TBPL1: variants seen among roughly 807,000 people sequenced by gnomAD.
The protein encoded by TBPL1 is TATA box-binding protein-like 1.
Under a neutral mutation model 22.1 loss-of-function variants are expected in TBPL1, and 4 were observed. The observed-to-expected ratio is 0.18, with a 90% CI of 0.09 to 0.41. The LOEUF (loss-of-function observed/expected upper bound fraction) is 0.41, where lower values mean the gene tolerates loss of function less well. Among genes scored for constraint, TBPL1 ranks in the 10% least tolerant of loss-of-function variants. The pLI is 1.00. For missense variants in TBPL1, 115 were observed against 222.3 expected, an observed-to-expected ratio of 0.52 and a Z score of 3.07; for synonymous variants, 64 against 71.0, an observed-to-expected ratio of 0.90 and a Z score of 0.50.
At chr6:133,981,066 A>G (rs867253807) in intron 2 of TBPL1, among the ~76,000 whole-genome samples, 2 of 142,270 alleles carry the variant, frequency 1.4e-5, no homozygotes, top group Non-Finnish European at 3.0e-5. Context: ...TCTGCCTCCC[A>G]GGTTCAAGCA....
chr6:133,984,818 T>C lies in TBPL1; in HGVS notation c.481+147T>C, dbSNP rs1046783339. On this transcript the variant is annotated intron_variant, in intron 6 of 6. Coordinates refer to ENST00000237264, the MANE Select transcript of TBPL1 (RefSeq NM_004865.4). ...CAGTCTCCTGACTTTTAACACTAGA[T>C]GCATTTTGCCTACTTTTGTACTATT... 7.7e-5 allele frequency: 49 copies of C among 638,904 alleles called. 1 individual carries two copies. Among genetic ancestry groups the C allele is most frequent in the Non-Finnish European group, 1.3e-4 (47 of 367,628 alleles). 39.6% of individuals were successfully genotyped at this position (638,904 alleles called of 1,614,324 possible).
At chr6:133,975,126 T>A (rs1041566778) in intron 1 of TBPL1, among the ~76,000 whole-genome samples, 3 of 152,094 alleles carry the variant, frequency 2.0e-5, no homozygotes. Context: ...CTAGAGAGGA[T>A]CAGCTACTGA....
At chr6:133,984,781 C>G (rs1037829020) in intron 6 of TBPL1, 110 bp downstream of exon 6, 7 of 911,882 alleles carry the variant, frequency 7.7e-6, no homozygotes, top group Non-Finnish European at 1.2e-5. Context: ...CACTTCTGCC[C>G]TTTAGAGGAA....
intron 1 of TBPL1, among the ~76,000 whole-genome samples, chr6:133,954,501 A>C (rs767849293): frequency 6.6e-6 from 1 of 152,244 alleles, no homozygotes; most frequent in Non-Finnish European, 1.5e-5. Context: ...TGGTATGCCC[A>C]GTGAAATATC....
chr6:133,987,755 G>A lies in TBPL1; in HGVS notation c.*715G>A, dbSNP rs1776559314. 6.6e-6 allele frequency: 1 copy of A among 152,068 alleles called. No individual in the cohort carries two copies. The highest frequency in any genetic ancestry group is 1.5e-5 in the Non-Finnish European group (1 of 67,930). The allele number at this position is 152,068 out of a possible 1,614,324, so 9.4% of individuals were successfully genotyped here. ...TCTTGCAGATTAGAAATAAAAACGT[G>A]TATATAAACTCTAGGGAACCAGACT... On this transcript the variant is annotated 3_prime_UTR_variant, in exon 7 of 7. Coordinates refer to ENST00000237264, the MANE Select transcript of TBPL1 (RefSeq NM_004865.4).
chr6:133,961,432 T>C (rs917924920), intron 1 of TBPL1, among the ~76,000 whole-genome samples: 4 of 151,714 alleles, frequency 2.6e-5, no homozygotes, highest in Admixed American at 1.3e-4. Context: ...CTACTTCTTA[T>C]CCTTTAAGAT....
At chr6:133,961,543 A>T (rs550819313) in intron 1 of TBPL1, among the ~76,000 whole-genome samples, 2 of 137,416 alleles carry the variant, frequency 1.5e-5, no homozygotes, top group Non-Finnish European at 3.0e-5. Flanking sequence ...ATCTCGGCTC[A>T]TTGCAACCTC....
intron 1 of TBPL1, among the ~76,000 whole-genome samples, chr6:133,955,069 T>A (rs547946173): frequency 7.9e-5 from 12 of 152,136 alleles, no homozygotes; most frequent in African/African-American, 2.7e-4. Flanking sequence ...GATTAATGAA[T>A]CAAAGACTGT....
intron 6 of TBPL1, among the ~76,000 whole-genome samples, chr6:133,985,333 T>TAC (rs1776499146): frequency 7.2e-5 from 8 of 111,710 alleles, no homozygotes; most frequent in African/African-American, 2.4e-4. Flanking sequence ...TATATATATA[T>TAC]ATATACACAC....
intron 1 of TBPL1, among the ~76,000 whole-genome samples, chr6:133,954,857 G>A (rs917762372): frequency 5.9e-5 from 9 of 152,194 alleles, no homozygotes; most frequent in Admixed American, 5.9e-4. Flanking sequence ...ATGTGCCCTT[G>A]ATTGGGCTGG....
At position 133,980,923 on chromosome 6, in the gene TBPL1, G is replaced by C. The variant is rs538938659; in HGVS notation, c.135+663G>C. Among the ~76,000 whole-genome samples, 71 of 149,434 alleles carry C rather than the reference G, an allele frequency of 4.8e-4. No homozygotes were observed. In the South Asian group the frequency reaches 0.014, roughly 29 times the overall value. On this transcript the variant is annotated intron_variant, in intron 2 of 6. Transcript: ENST00000237264. ...AGGCTCTATTTAGCTTTAAAAATTA[G>C]ATGCCAGGATACCTATGTAAATTGC...
At chr6:133,984,814 T>C in intron 6 of TBPL1, 143 bp downstream of exon 6, 1 of 651,798 alleles carries the variant, frequency 1.5e-6, no homozygotes, top group Non-Finnish European at 2.6e-6. Flanking sequence ...CTTTTAACAC[T>C]AGATGCATTT....
chr6:133,966,405 T>C (rs1043378023), intron 1 of TBPL1, among the ~76,000 whole-genome samples: 3 of 152,180 alleles, frequency 2.0e-5, no homozygotes, highest in Non-Finnish European at 4.4e-5. Flanking sequence ...CACTCTGGCT[T>C]AATATTGAGG....
At position 133,980,137 on chromosome 6, in the gene TBPL1, C is replaced by T. The variant is rs779160911; in HGVS notation, c.12C>T (p.Asp4=). The change falls in exon 2 of 7, where the codon GAC becomes GAT. Residue 4 remains aspartate, a synonymous_variant. Transcript: ENST00000237264. MDA[D]SDVALDILIT... is the part of the protein sequence containing the mutation. Reference sequence around the variant, plus strand: ...TTAAAACCACCCCAATGGATGCAGACAGTGATGTTGCATTGGACATTCTAA... The same window carrying T: ...TTAAAACCACCCCAATGGATGCAGATAGTGATGTTGCATTGGACATTCTAA... The T allele has an allele frequency of 1.3e-6, 2 of 1,562,984 alleles. No individual in the cohort carries two copies. The highest frequency in any genetic ancestry group is 1.7e-6 in the Non-Finnish European group (2 of 1,155,892).
intron 3 of TBPL1, 28 bp downstream of exon 3, chr6:133,982,678 T>C: frequency 6.2e-7 from 1 of 1,601,472 alleles, no homozygotes; most frequent in South Asian, 1.1e-5. Context: ...TTTTTGTTTT[T>C]ATTTTTTACT....
At position 133,962,104 on chromosome 6, in the gene TBPL1, T is replaced by C. The variant is rs137938523; in HGVS notation, c.-45+8679T>C. Among the ~76,000 whole-genome samples the C allele has an allele frequency of 2.2e-4, 33 of 152,280 alleles. No homozygotes were observed. In the East Asian group the frequency reaches 6.0e-3, roughly 28 times the overall value. ...ATAAAACCGCGAAACAGTCTGTTATTGGAAGAGGAATGGTGTAAAGCTGAG... is the reference window on the plus strand; with the variant it reads ...ATAAAACCGCGAAACAGTCTGTTATCGGAAGAGGAATGGTGTAAAGCTGAG... On this transcript the variant is annotated intron_variant, in intron 1 of 6. Transcript: ENST00000237264.
chr6:133,970,858 A>T (rs1348727806), intron 1 of TBPL1, among the ~76,000 whole-genome samples: 1 of 152,118 alleles, frequency 6.6e-6, no homozygotes. Context: ...CATATTATAC[A>T]TATTTATGAG....
chr6:133,961,499 TGCTCTGTC>T (rs1776023815), intron 1 of TBPL1, among the ~76,000 whole-genome samples: 1 of 144,662 alleles, frequency 6.9e-6, no homozygotes, highest in South Asian at 2.2e-4. Flanking sequence ...GACGGAGTCG[TGCTCTGTC>T]ACCCATGCTA....
intron 2 of TBPL1, among the ~76,000 whole-genome samples, chr6:133,980,529 A>G (rs1298794115): frequency 6.6e-6 from 1 of 152,126 alleles, no homozygotes; most frequent in Non-Finnish European, 1.5e-5. Context: ...AACTGAAGAA[A>G]GGGACCTTTA....
Sources: gnomAD v4.1 joint callset for allele counts (sites outside exome capture counted in the v4.1 genomes callset) on GRCh38, gnomAD v4.1.1 for gene constraint, MANE v1.5 for transcripts, NCBI Gene and HGNC (gene_info 2026-07-23, HGNC 2026-07-21) for gene names.